The following ANAPC1 variants were observed in gnomAD, a reference collection of about 807,000 sequenced individuals.
The protein encoded by ANAPC1 is anaphase-promoting complex subunit 1.
In ANAPC1, 36 loss-of-function variants were observed where a neutral mutation model predicts 208.0. The ratio of observed to expected loss-of-function variants is 0.17; its 90% confidence interval spans 0.13 to 0.23. The LOEUF (loss-of-function observed/expected upper bound fraction) is 0.23. ANAPC1 is among the 10% of genes least tolerant of loss of function. The pLI is 1.00. For synonymous variants in ANAPC1, 378 were observed against 695.2 expected (o/e 0.54, Z 7.18); for missense variants, 942 against 2,011.6 (o/e 0.47, Z 10.17).
At chr2:111,843,256 G>T (rs1319989203) in intron 17 of ANAPC1, among the ~76,000 whole-genome samples, 156 bp downstream of exon 17, 1 of 152,030 alleles carries the variant, frequency 6.6e-6, no homozygotes. Flanking sequence ...TATTAAGTGA[G>T]ATTTTATTTA....
chr2:111,846,435 G>GA (rs199918130), intron 16 of ANAPC1, among the ~76,000 whole-genome samples: 71,697 of 134,838 alleles, frequency 0.53, 17,222 homozygotes, highest in Middle Eastern at 0.65. Flanking sequence ...ATACATTACA[G>GA]AAAAAAAAAC....
At chr2:111,858,195 A>G in intron 11 of ANAPC1, 111 bp downstream of exon 11, 2 of 721,298 alleles carry the variant, frequency 2.8e-6, no homozygotes, top group Non-Finnish European at 4.4e-6. Context: ...TATGACATGT[A>G]AATTATTTCT....
chr2:111,823,541 TATC>T (rs1301273397), intron 24 of ANAPC1, among the ~76,000 whole-genome samples: 1 of 152,134 alleles, frequency 6.6e-6, no homozygotes, highest in Non-Finnish European at 1.5e-5. Context: ...TCCGATTGTC[TATC>T]ATCAATAGAA....
intron 14 of ANAPC1, among the ~76,000 whole-genome samples, chr2:111,850,461 T>C (rs11676946): frequency 0.07 from 10,581 of 152,146 alleles, 556 homozygotes; most frequent in South Asian, 0.21. Flanking sequence ...TCAACGATGG[T>C]ACTCTCTTTT....
At chr2:111,875,450 T>C (rs1441607899) in intron 3 of ANAPC1, among the ~76,000 whole-genome samples, 2 of 152,204 alleles carry the variant, frequency 1.3e-5, no homozygotes, top group Non-Finnish European at 2.9e-5. Context: ...TATTTTAACA[T>C]CTCTTTTATC....
At chr2:111,841,869 T>A (rs1480366729) in intron 17 of ANAPC1, among the ~76,000 whole-genome samples, 1 of 152,338 alleles carries the variant, frequency 6.6e-6, no homozygotes, top group South Asian at 2.1e-4. Context: ...CATTTACTTA[T>A]AGAGAAATAA....
intron 26 of ANAPC1, chr2:111,819,241 A>G: frequency 1.0e-6 from 1 of 984,938 alleles, no homozygotes; most frequent in Non-Finnish European, 1.2e-6. Flanking sequence ...CTCTCTAGGC[A>G]TTCAAAAAAA....
intron 17 of ANAPC1, among the ~76,000 whole-genome samples, chr2:111,839,313 A>G (rs1480366165): frequency 6.6e-6 from 1 of 152,250 alleles, no homozygotes; most frequent in Non-Finnish European, 1.5e-5. Context: ...GTATCTTTTG[A>G]GGCCTTTCTA....
chr2:111,775,859 A>G (rs1676982276), intron 46 of ANAPC1, among the ~76,000 whole-genome samples: 2 of 152,278 alleles, frequency 1.3e-5, no homozygotes, highest in Admixed American at 1.3e-4. Context: ...GAGGATAAAA[A>G]TGACTATCCA....
intron 10 of ANAPC1, among the ~76,000 whole-genome samples, chr2:111,859,501 T>C (rs36095552): frequency 4.7e-5 from 7 of 150,144 alleles, no homozygotes; most frequent in African/African-American, 1.8e-4. Context: ...AAATAAATAG[T>C]GCTACAGAAG....
At chr2:111,767,425 GATTT>G (rs144797888), downstream of ANAPC1, among the ~76,000 whole-genome samples, 18,071 of 151,414 alleles carry the variant, frequency 0.12, 1,325 homozygotes, top group Non-Finnish European at 0.16. Context: ...AGCTGCAATT[GATTT>G]ATTTGATGAT....
intron 8 of ANAPC1, among the ~76,000 whole-genome samples, 192 bp from the exon 9 acceptor site, chr2:111,864,087 G>A (rs367737755): frequency 6.6e-6 from 1 of 152,112 alleles, no homozygotes; most frequent in African/African-American, 2.4e-5. Flanking sequence ...AGCACTTTGG[G>A]AGGGTGAGGA....
At chr2:111,840,228 A>G (rs1390494433) in intron 17 of ANAPC1, among the ~76,000 whole-genome samples, 2 of 152,154 alleles carry the variant, frequency 1.3e-5, no homozygotes, top group Admixed American at 6.5e-5. Flanking sequence ...TTGTGTAACG[A>G]GTCATTGGCA....
chr2:111,830,829 G>A (rs1305208448), intron 21 of ANAPC1, among the ~76,000 whole-genome samples: 1 of 152,194 alleles, frequency 6.6e-6, no homozygotes, highest in Non-Finnish European at 1.5e-5. Flanking sequence ...GAAAACAGAT[G>A]ACAGTTTCTT....
intron 6 of ANAPC1, among the ~76,000 whole-genome samples, chr2:111,868,634 G>A (rs561724794): frequency 4.6e-5 from 7 of 152,252 alleles, no homozygotes; most frequent in East Asian, 1.9e-4. Flanking sequence ...ACGTTCAAGC[G>A]ATTCTCCTGT....
intron 18 of ANAPC1, among the ~76,000 whole-genome samples, chr2:111,835,426 G>T (rs539863322): frequency 6.6e-6 from 1 of 152,330 alleles, no homozygotes; most frequent in African/African-American, 2.4e-5. Flanking sequence ...TTGGTTCAGA[G>T]AATGTGGTTT....
rs56780932 is a variant in ANAPC1 at position 111,794,850 on chromosome 2, C to A, written c.4341G>T (p.Pro1447=). The A allele has an allele frequency of 6.6e-7, 1 of 1,523,016 alleles. No individual in the cohort carries two copies. The highest frequency in any genetic ancestry group is 9.0e-7 in the Non-Finnish European group (1 of 1,109,848). The allele number at this position is 1,523,016 out of a possible 1,614,324, so 94.3% of individuals were successfully genotyped here. Residue 1447 remains proline, a synonymous_variant, in exon 35 of 48, where the codon CCG becomes CCT. Transcript: ENST00000341068. ...TTTCCAAATTCAAATCCTCTGAGCACGGCAATTCGATTTCACTGAGAGAGA... is the reference window on the plus strand; with the variant it reads ...TTTCCAAATTCAAATCCTCTGAGCAAGGCAATTCGATTTCACTGAGAGAGA... ...NSISLSEIEL[P]CSEDLNLETL...
intron 13 of ANAPC1, among the ~76,000 whole-genome samples, chr2:111,852,766 A>G (rs910776062): frequency 1.3e-4 from 20 of 152,236 alleles, no homozygotes; most frequent in African/African-American, 4.8e-4. Context: ...CAGAAGACAA[A>G]TATGTAACAG....
rs1165519018 is a variant in ANAPC1, at chr2:111,831,424, T to C, written c.2487A>G (p.Gly829=). The change falls in exon 21 of 48, where the codon GGA becomes GGG. Residue 829 remains glycine, a synonymous_variant. Coordinates refer to ENST00000341068, the MANE Select transcript of ANAPC1 (RefSeq NM_022662.4). ...TAAAAAATGATGGATGATGCATAAA[T>C]CCTGTTTGACCTTTAAAATTAGATA... ...QVCTIDPGQT[G]FMHHPSFFTS... is the part of the protein sequence containing the mutation. 1 of 1,601,152 alleles carries C rather than the reference T, an allele frequency of 6.2e-7. No individual in the cohort carries two copies. Among genetic ancestry groups the C allele is most frequent in the Non-Finnish European group, 8.5e-7 (1 of 1,173,816 alleles).
Sources: allele counts gnomAD v4.1 joint callset (sites outside exome capture counted in the v4.1 genomes callset), GRCh38; gene constraint gnomAD v4.1.1; transcripts MANE v1.5; gene names NCBI Gene and HGNC (gene_info 2026-07-23, HGNC 2026-07-21).